The following POLD3 variants were observed in gnomAD, a reference collection of about 807,000 sequenced individuals.
POLD3 encodes DNA polymerase delta subunit 3.
In POLD3, 19 loss-of-function variants were observed where a neutral mutation model predicts 58.2. The ratio of observed to expected loss-of-function variants is 0.33; its 90% CI spans 0.23 to 0.48. The LOEUF (loss-of-function observed/expected upper bound fraction) is 0.48, where lower values mean the gene tolerates loss of function less well. Among genes scored for constraint, POLD3 ranks in the 20% least tolerant of loss-of-function variants. POLD3 has a pLI of 0.99. For missense variants in POLD3, 504 were observed against 545.5 expected (o/e 0.92, Z 0.76); for synonymous variants, 172 against 193.5 (o/e 0.89, Z 0.92).
intron 11 of POLD3, among the ~76,000 whole-genome samples, chr11:74,639,181 C>T (rs755037993): frequency 1.4e-4 from 21 of 152,202 alleles, no homozygotes; most frequent in Non-Finnish European, 2.4e-4. Flanking sequence ...TCTCAGGTCC[C>T]ACCCCAGATC....
chr11:74,597,752 A>G (rs1386277070), intron 2 of POLD3, among the ~76,000 whole-genome samples: 4 of 152,160 alleles, frequency 2.6e-5, no homozygotes, highest in Non-Finnish European at 4.4e-5. Flanking sequence ...AAGCCACTGC[A>G]CCTGGCCATG....
Position 74,618,614 on chromosome 11 carries a change from A to C in POLD3, c.470A>C (p.Gln157Pro), listed in dbSNP as rs763403847. The change falls in exon 6 of 12, where the codon CAG (glutamine) becomes CCG (proline). Residue 157 changes from glutamine to proline, a missense_variant. Coordinates refer to ENST00000263681, the MANE Select transcript of POLD3 (RefSeq NM_006591.3). ...TCTTCGTCTTCCAAAAAGTTTGAGC[A>C]GTCACATCTTCACATGTCAAGTGAG... is the stretch of plus-strand genomic sequence containing the variant. ...ESSSSSKKFE[Q>P]SHLHMSSETQ... 1 of 1,614,102 alleles carries C rather than the reference A, an allele frequency of 6.2e-7. No individual in the cohort carries two copies. The highest frequency in any genetic ancestry group is 8.5e-7 in the Non-Finnish European group (1 of 1,179,926).
intron 4 of POLD3, among the ~76,000 whole-genome samples, chr11:74,662,082 G>A (rs1321610082): frequency 6.6e-6 from 1 of 151,896 alleles, no homozygotes; most frequent in East Asian, 1.9e-4. Flanking sequence ...CTTCAGAGCA[G>A]TGGGCTCCTC....
intron 4 of POLD3, among the ~76,000 whole-genome samples, chr11:74,664,973 G>A (rs1352531868): frequency 6.6e-6 from 1 of 151,754 alleles, no homozygotes; most frequent in African/African-American, 2.4e-5. Context: ...GGTAGCACAT[G>A]CCTGTAATCC....
intron 11 of POLD3, among the ~76,000 whole-genome samples, chr11:74,637,657 G>T (rs2032789327): frequency 6.6e-6 from 1 of 151,872 alleles, no homozygotes; most frequent in South Asian, 2.1e-4. Context: ...AGTTCATTGG[G>T]AATTTGTGGG....
At chr11:74,619,969 A>G (rs1428637286) in intron 6 of POLD3, 48 bp from the exon 7 acceptor site, 5 of 1,443,778 alleles carry the variant, frequency 3.5e-6, no homozygotes, top group Non-Finnish European at 4.9e-6. Flanking sequence ...TACTTCATGA[A>G]CAGCCTAAAT....
chr11:74,643,146 T>G (rs755700103), downstream of POLD3: 19 of 154,300 alleles, frequency 1.2e-4, no homozygotes, highest in South Asian at 6.2e-4. Flanking sequence ...ATGGTGGCTT[T>G]CTTTCTGATG....
intron 1 of POLD3, 77 bp downstream of exon 1, chr11:74,592,795 CT>C (rs2031079689): frequency 1.9e-6 from 3 of 1,586,820 alleles, no homozygotes; most frequent in Middle Eastern, 1.7e-4. Flanking sequence ...AGCCTTGACC[CT>C]CTGTCTGCTT....
chr11:74,607,109 G>A (rs1026420047), intron 3 of POLD3, among the ~76,000 whole-genome samples: 2 of 151,954 alleles, frequency 1.3e-5, no homozygotes, highest in African/African-American at 2.4e-5. Flanking sequence ...CTAAGGAAAG[G>A]CAGATTATTA....
chr11:74,602,718 A>G (rs1331403457), intron 2 of POLD3, among the ~76,000 whole-genome samples: 4 of 152,170 alleles, frequency 2.6e-5, no homozygotes, highest in African/African-American at 9.7e-5. Context: ...TCAACTTTCT[A>G]ATGGCTTCTT....
At chr11:74,592,747 C>T (rs1433420296) in intron 1 of POLD3, 29 bp downstream of exon 1, 22 of 1,613,020 alleles carry the variant, frequency 1.4e-5, no homozygotes, top group Non-Finnish European at 1.4e-5. Flanking sequence ...GGAACGCGGG[C>T]GTGCGACCGG....
At chr11:74,609,344 T>TTATATATA (rs2031806373) in intron 3 of POLD3, among the ~76,000 whole-genome samples, 2 of 65,004 alleles carry the variant, frequency 3.1e-5, no homozygotes, top group African/African-American at 1.4e-4. Context: ...CCATTGTTTT[T>TTATATATA]GATATATATA....
downstream of POLD3, among the ~76,000 whole-genome samples, chr11:74,645,422 G>A (rs147240061): frequency 7.2e-4 from 110 of 152,310 alleles, no homozygotes; most frequent in African/African-American, 2.3e-3. Context: ...TATAAAGTCT[G>A]TATAGGCTCC....
chr11:74,625,509 G>A lies in POLD3; in HGVS notation c.835G>A (p.Ala279Thr). ...CACGGAACCAAAGCTGGCAACTCCT[G>A]CAGGCCTGAAAAAATCCAGCAAAAA... ...SVTEPKLATP[A>T]GLKKSSKKAE... The change falls in exon 8 of 12, where the codon GCA becomes ACA. Residue 279 changes from alanine (A) to threonine (T), a missense_variant. This residue lies in a region of POLD3 where 385 missense variants were observed against 370.5 expected (regional missense o/e 1.04). Coordinates refer to ENST00000263681, the MANE Select transcript of POLD3 (RefSeq NM_006591.3). 2 of 1,613,892 alleles carry A rather than the reference G, an allele frequency of 1.2e-6. No homozygotes were observed. The highest frequency in any genetic ancestry group is 3.3e-5 in the Admixed American group (2 of 59,978).
intron 4 of POLD3, among the ~76,000 whole-genome samples, chr11:74,668,459 A>G (rs1852408142): frequency 1.3e-5 from 2 of 152,246 alleles, no homozygotes. Context: ...GCTAACTGAA[A>G]GAAGCCAGAC....
At chr11:74,592,925 C>G (rs1437133351) in intron 1 of POLD3, 3 of 1,414,110 alleles carry the variant, frequency 2.1e-6, no homozygotes, top group East Asian at 2.6e-5. Flanking sequence ...AAGTCCGCGT[C>G]CCTTGGGTGG....
intron 2 of POLD3, 89 bp downstream of exon 2, chr11:74,594,205 T>C (rs925211216): frequency 1.3e-6 from 1 of 788,934 alleles, no homozygotes; most frequent in Admixed American, 2.0e-5. Context: ...ATAGCCTACA[T>C]AGATTAGAGC....
At chr11:74,666,959 TAA>T (rs34863947) in intron 4 of POLD3, among the ~76,000 whole-genome samples, 14,564 of 137,180 alleles carry the variant, frequency 0.11, 718 homozygotes, top group South Asian at 0.17. Flanking sequence ...TTAAAGTTGC[TAA>T]AAAAAAAAAA....
intron 4 of POLD3, 84 bp from the exon 5 acceptor site, chr11:74,612,794 T>A (rs952042190): frequency 3.9e-5 from 47 of 1,208,136 alleles, no homozygotes; most frequent in Admixed American, 6.9e-5. Context: ...TACAAATGCT[T>A]TAATGCAGAA....
Sources: gnomAD v4.1 joint callset for allele counts (sites outside exome capture counted in the v4.1 genomes callset) on GRCh38, gnomAD v4.1.1 for gene constraint, gnomAD v4.1.1 regional missense constraint, MANE v1.5 for transcripts, NCBI Gene and HGNC (gene_info 2026-07-23, HGNC 2026-07-21) for gene names.